The following TNFRSF11A variants were observed in gnomAD, a reference collection of about 807,000 sequenced individuals.
TNFRSF11A encodes tumor necrosis factor receptor superfamily member 11A.
TNFRSF11A carries 32 observed loss-of-function variants against 55.7 expected under a neutral mutation model. The observed-to-expected ratio is 0.57, with a 90% confidence interval of 0.43 to 0.77. The LOEUF (loss-of-function observed/expected upper bound fraction) is 0.77. TNFRSF11A is among the 30% of genes least tolerant of loss of function. The pLI is 0.00. For missense variants in TNFRSF11A, 753 were observed against 809.8 expected, an observed-to-expected ratio of 0.93 and a Z score of 0.85; for synonymous variants, 311 against 331.0, an observed-to-expected ratio of 0.94 and a Z score of 0.65.
Position 62,365,640 on chromosome 18 carries a change from A to G in TNFRSF11A, c.731-1068A>G, listed in dbSNP as rs566995653. Among the ~76,000 whole-genome samples the G allele has an allele frequency of 3.3e-5, 5 of 152,304 alleles. No homozygotes were observed. In the South Asian group the frequency reaches 6.2e-4, roughly 19 times the overall value. The stretch of plus-strand genomic sequence containing the variant: ...CCCTCATAGCCAAAGAAAACTTGTT[A>G]AGAGAATGAGAATGTCTATAGTCAT... On this transcript the variant is annotated intron_variant, in intron 7 of 9. Coordinates refer to ENST00000586569, the MANE Select transcript of TNFRSF11A (RefSeq NM_003839.4).
intron 9 of TNFRSF11A, among the ~76,000 whole-genome samples, chr18:62,382,629 G>A (rs1167063109): frequency 1.3e-5 from 2 of 152,022 alleles, no homozygotes; most frequent in Non-Finnish European, 2.9e-5. Context: ...TAATGTCGGT[G>A]CTGTGTGTTT....
Position 62,385,326 on chromosome 18 carries a change from A to T in TNFRSF11A, c.*292A>T, listed in dbSNP as rs1014354239. 16 of 247,152 alleles carry T rather than the reference A, an allele frequency of 6.5e-5. No homozygotes were observed. In the East Asian group the frequency reaches 1.4e-3, roughly 21 times the overall value. 15.3% of individuals were successfully genotyped at this position (247,152 alleles called of 1,614,324 possible). A position where few individuals can be genotyped will look rare whatever the true frequency, so the allele number is the denominator to read the frequency against. ...TTGTGGCACTATGACAGCTATTTTT[A>T]TGACTATCCTGTTCTGTGGGGGGGG... On this transcript the variant is annotated 3_prime_UTR_variant, in exon 10 of 10. Coordinates refer to ENST00000586569, the MANE Select transcript of TNFRSF11A (RefSeq NM_003839.4).
At chr18:62,343,288 C>T (rs1292690871) in intron 1 of TNFRSF11A, among the ~76,000 whole-genome samples, 2 of 152,154 alleles carry the variant, frequency 1.3e-5, no homozygotes, top group African/African-American at 2.4e-5. Flanking sequence ...CTTTTCGTCT[C>T]GATTTGACAA....
At chr18:62,365,882 ATC>A (rs1195728271) in intron 7 of TNFRSF11A, among the ~76,000 whole-genome samples, 1 of 152,092 alleles carries the variant, frequency 6.6e-6, no homozygotes, top group Non-Finnish European at 1.5e-5. Context: ...CAGTGGCACA[ATC>A]TCAGCTCACT....
chr18:62,363,246 A>G (rs1909821020), intron 7 of TNFRSF11A, among the ~76,000 whole-genome samples: 3 of 152,018 alleles, frequency 2.0e-5, no homozygotes, highest in Admixed American at 2.0e-4. Flanking sequence ...ATATCTAGCT[A>G]CTTCTCTAAC....
intron 3 of TNFRSF11A, 70 bp from the exon 4 acceptor site, chr18:62,354,321 G>T: frequency 6.8e-6 from 10 of 1,473,634 alleles, no homozygotes; most frequent in Non-Finnish European, 9.0e-6. Context: ...GTTGGATAGC[G>T]CAGTCGTGGG....
intron 1 of TNFRSF11A, among the ~76,000 whole-genome samples, chr18:62,326,464 G>T (rs1470097493): frequency 6.6e-6 from 1 of 152,208 alleles, no homozygotes; most frequent in Non-Finnish European, 1.5e-5. Flanking sequence ...AGGCGGAAAA[G>T]TCTAAAGGAT....
chr18:62,369,513 G>C, intron 9 of TNFRSF11A, 29 bp downstream of exon 9: 1 of 1,600,042 alleles, frequency 6.2e-7, no homozygotes, highest in Non-Finnish European at 8.5e-7. Context: ...TCTCACTTCT[G>C]AGCAGAAGGG....
chr18:62,385,372 T>A lies in TNFRSF11A; in HGVS notation c.*338T>A. 1 of 241,094 alleles carries A rather than the reference T, an allele frequency of 4.1e-6. No homozygotes were observed. Among genetic ancestry groups the A allele is most frequent in the Non-Finnish European group, 7.9e-6 (1 of 126,330 alleles). 14.9% of individuals were successfully genotyped at this position (241,094 alleles called of 1,614,324 possible). A position where few individuals can be genotyped will look rare whatever the true frequency, so the allele number is the denominator to read the frequency against. ...GGGGGGGGTCTGTTTTCCCCCCATA[T>A]TTGTATTCCTTTTCATAACTTTTCT... On this transcript the variant is annotated 3_prime_UTR_variant, in exon 10 of 10. Transcript: ENST00000586569.
chr18:62,365,498 G>A (rs546981052), intron 7 of TNFRSF11A, among the ~76,000 whole-genome samples: 2 of 152,292 alleles, frequency 1.3e-5, no homozygotes, highest in African/African-American at 4.8e-5. Flanking sequence ...GTCTCAGTGG[G>A]TCTGACACCT....
At position 62,361,746 on chromosome 18, in the gene TNFRSF11A, C is replaced by T; in HGVS notation, c.683C>T (p.Ala228Val). The part of the protein sequence containing the change: ...LLFASVALVA[A>V]IIFGVCYRKK... The stretch of plus-strand genomic sequence containing the variant: ...TTCGCGTCTGTGGCCCTGGTGGCTG[C>T]CATCATCTTTGGCGTTTGCTATAGG... The change falls in exon 7 of 10, where the codon GCC becomes GTC. Residue 228 changes from alanine to valine, a missense_variant. Ala to Val is a moderately conservative substitution (Grantham distance 64, BLOSUM62 0). Around this residue, in one of 3 missense-constraint regions of TNFRSF11A, gnomAD observed 567 missense variants for 596.7 expected, o/e 0.95. Transcript: ENST00000586569. 6.2e-7 allele frequency: 1 copy of T among 1,614,140 alleles called. No individual in the cohort carries two copies. Among genetic ancestry groups the T allele is most frequent in the Non-Finnish European group, 8.5e-7 (1 of 1,180,028 alleles).
chr18:62,379,640 G>A (rs1911127385), intron 9 of TNFRSF11A, among the ~76,000 whole-genome samples: 1 of 152,186 alleles, frequency 6.6e-6, no homozygotes, highest in Non-Finnish European at 1.5e-5. Context: ...TTTTTGGCAA[G>A]TGACTTTTGG....
intron 1 of TNFRSF11A, among the ~76,000 whole-genome samples, chr18:62,331,366 T>C (rs867644128): frequency 6.6e-6 from 1 of 152,184 alleles, no homozygotes; most frequent in East Asian, 1.9e-4. Flanking sequence ...TGAAGAAGTG[T>C]TGTTGTTTTT....
chr18:62,340,933 G>A (rs550081615), intron 1 of TNFRSF11A, among the ~76,000 whole-genome samples: 9 of 152,222 alleles, frequency 5.9e-5, no homozygotes, highest in Non-Finnish European at 7.3e-5. Flanking sequence ...CTTGGTAGGC[G>A]CCTATGCGAT....
chr18:62,390,248 G>A lies in TNFRSF11A; in HGVS notation c.*5214G>A, dbSNP rs925475063. 8.5e-5 allele frequency: 13 copies of A among 152,222 alleles called. No individual in the cohort carries two copies. The highest frequency in any genetic ancestry group is 2.9e-4 in the African/African-American group (12 of 41,448). The allele number at this position is 152,222 out of a possible 1,614,324, so 9.4% of individuals were successfully genotyped here. On this transcript the variant is annotated 3_prime_UTR_variant, in exon 10 of 10. Coordinates refer to ENST00000586569, the MANE Select transcript of TNFRSF11A (RefSeq NM_003839.4). Reference sequence around the variant, plus strand: ...CACCTTCTCCACAGTTGACAGGACTGTTATGGTTGACCCAAAAGTTGTCAT... The same window carrying A: ...CACCTTCTCCACAGTTGACAGGACTATTATGGTTGACCCAAAAGTTGTCAT...
chr18:62,360,185 A>G, intron 6 of TNFRSF11A, 136 bp downstream of exon 6: 4 of 703,464 alleles, frequency 5.7e-6, no homozygotes, highest in Admixed American at 4.1e-5. Context: ...TCAGCTGAAT[A>G]TTTCATTCTC....
intron 5 of TNFRSF11A, 103 bp from the exon 6 acceptor site, chr18:62,359,852 C>T (rs1909540226): frequency 2.0e-6 from 2 of 977,664 alleles, no homozygotes; most frequent in Non-Finnish European, 1.6e-6. Flanking sequence ...GGCGTGGGTT[C>T]CTCTCCTGAA....
chr18:62,335,129 A>ATTTTTTTTTTTTTTTTTTTTTTTT (rs11289576), intron 1 of TNFRSF11A, among the ~76,000 whole-genome samples: 6 of 140,722 alleles, frequency 4.3e-5, no homozygotes, highest in Non-Finnish European at 6.2e-5. Flanking sequence ...TGGGGTCGGA[A>ATTTTTTTTTTTTTTTTTTTTTTTT]TTTTTTTTTT....
intron 1 of TNFRSF11A, among the ~76,000 whole-genome samples, chr18:62,326,759 G>A (rs1480429049): frequency 3.9e-5 from 6 of 152,064 alleles, no homozygotes; most frequent in Non-Finnish European, 7.4e-5. Flanking sequence ...CCGTCTTTTT[G>A]CCTTTAAGCC....
Sources: allele counts gnomAD v4.1 joint callset (sites outside exome capture counted in the v4.1 genomes callset), GRCh38; gene constraint gnomAD v4.1.1; regional missense constraint gnomAD v4.1.1; transcripts MANE v1.5; gene names NCBI Gene and HGNC (gene_info 2026-07-23, HGNC 2026-07-21).